The following ACSM2B variants were observed in gnomAD, a reference collection of about 807,000 sequenced individuals.
ACSM2B encodes acyl-CoA synthetase medium chain family member 2B, also known as acyl-coenzyme A synthetase ACSM2B, mitochondrial.
Under a neutral mutation model 78.6 loss-of-function variants are expected in ACSM2B, and 58 were observed. The ratio of observed to expected loss-of-function variants is 0.74; its 90% confidence interval spans 0.60 to 0.92. The LOEUF (loss-of-function observed/expected upper bound fraction) is 0.92. Ranked by LOEUF, ACSM2B falls within the 40% of genes least tolerant of loss-of-function variation. The pLI, the probability that ACSM2B is intolerant of heterozygous loss-of-function variation, is 0.00. For synonymous variants in ACSM2B, 257 were observed against 256.8 expected (o/e 1.00, Z -0.01); for missense variants, 688 against 711.2 (o/e 0.97, Z 0.37).
At chr16:20,561,104 A>G (rs1201642480) in intron 2 of ACSM2B, among the ~76,000 whole-genome samples, 3 of 152,130 alleles carry the variant, frequency 2.0e-5, no homozygotes, top group African/African-American at 7.2e-5. Context: ...TTTCAGCCTT[A>G]AAAAGGAAGG....
chr16:20,544,528 A>T, intron 10 of ACSM2B: 1 of 943,512 alleles, frequency 1.1e-6, no homozygotes, highest in Non-Finnish European at 1.3e-6. Flanking sequence ...AGAAACTATT[A>T]TTATTTGATT....
intron 13 of ACSM2B, 135 bp downstream of exon 13, chr16:20,540,519 A>T: frequency 6.9e-7 from 1 of 1,441,050 alleles, no homozygotes; most frequent in Middle Eastern, 2.6e-4. Flanking sequence ...CTGGGATTGC[A>T]GGTGTCAGCC....
chr16:20,553,651 T>A, intron 5 of ACSM2B, 126 bp downstream of exon 5: 1 of 1,440,158 alleles, frequency 6.9e-7, no homozygotes, highest in South Asian at 1.4e-5. Context: ...TCTTTAGCTT[T>A]CCTTCTGAAT....
In ACSM2B at chr16:20,566,622, ATACTATATATAGTATATATATAC is replaced by A. The variant is rs1293755502; in HGVS notation, c.-8-1792_-8-1770del. Among the ~76,000 whole-genome samples, 33 of 64,750 alleles carry A rather than the reference ATACTATATATAGTATATATATAC, an allele frequency of 5.1e-4. 1 individual carries two copies. The highest frequency in any genetic ancestry group is 2.7e-3 in the African/African-American group (32 of 11,708). The allele number at this position is 64,750 out of a possible 152,430, so 42.5% of individuals were successfully genotyped here. A position where few individuals can be genotyped will look rare whatever the true frequency, so the allele number is the denominator to read the frequency against. ...ATGTATATATCTACATATAGTATAT[ATACTATATATAGTATATATATAC>A]TATACTATATATATGTATATATAGT... On this transcript the variant is annotated intron_variant, in intron 1 of 13. Coordinates refer to ENST00000329697, the MANE Select transcript of ACSM2B (RefSeq NM_001105069.2).
chr16:20,548,358 G>A lies in ACSM2B; in HGVS notation c.974+36C>T, dbSNP rs1366421531. On this transcript the variant is annotated intron_variant, in intron 7 of 13. Transcript: ENST00000329697. Reference sequence around the variant, plus strand: ...TATGTGAGGGAGTCAGGGGGATGGGGCCAGACTCTCTTACCAATCCTCAAA... The same window carrying A: ...TATGTGAGGGAGTCAGGGGGATGGGACCAGACTCTCTTACCAATCCTCAAA... The A allele has an allele frequency of 3.1e-6, 5 of 1,611,974 alleles. No individual in the cohort carries two copies. In the South Asian group the frequency reaches 4.4e-5, roughly 14 times the overall value.
intron 1 of ACSM2B, among the ~76,000 whole-genome samples, chr16:20,566,608 TAC>T: frequency 1.3e-5 from 1 of 74,920 alleles, no homozygotes; most frequent in Non-Finnish European, 2.2e-5. Context: ...TGTATATATC[TAC>T]ATATAGTATA....
chr16:20,573,757 C>T (rs1015462750), intron 1 of ACSM2B, among the ~76,000 whole-genome samples: 2 of 151,382 alleles, frequency 1.3e-5, no homozygotes, highest in African/African-American at 4.8e-5. Context: ...GATGGTGACC[C>T]CGAGCAGCAA....
intron 9 of ACSM2B, 40 bp from the exon 10 acceptor site, chr16:20,545,298 A>T (rs760159832): frequency 6.8e-5 from 109 of 1,592,718 alleles, no homozygotes; most frequent in Non-Finnish European, 3.4e-6. Flanking sequence ...CGCACACAGC[A>T]GGAGATGGCT....
chr16:20,544,801 G>A (rs1163984862), intron 10 of ACSM2B: 5 of 997,968 alleles, frequency 5.0e-6, no homozygotes, highest in African/African-American at 3.5e-5. Context: ...AAGATCAACG[G>A]CATAGATCAT....
Position 20,570,918 on chromosome 16 carries a change from T to G in ACSM2B, c.-9+5289A>C, listed in dbSNP as rs541494392. Among the ~76,000 whole-genome samples the G allele has an allele frequency of 3.9e-5, 6 of 152,004 alleles. No individual in the cohort carries two copies. In the South Asian group the frequency reaches 1.2e-3, roughly 31 times the overall value. On this transcript the variant is annotated intron_variant, in intron 1 of 13. Transcript: ENST00000329697. ...TATTTCTGTGGTATCAGTTGTAATA[T>G]CTCCCATTTCCTTTCTAATTGAGCT... is the stretch of plus-strand genomic sequence containing the variant.
At chr16:20,544,011 C>A (rs911202047) in intron 10 of ACSM2B, among the ~76,000 whole-genome samples, 1 of 152,190 alleles carries the variant, frequency 6.6e-6, no homozygotes, top group Non-Finnish European at 1.5e-5. Context: ...TTCTTGGCTA[C>A]TGGATTGACT....
chr16:20,552,231 G>A lies in ACSM2B; in HGVS notation c.807C>T (p.Ile269=), dbSNP rs960057676. Reference sequence around the variant, plus strand: ...TCCAAGATTCCAAAAGTGAGCCCAAGATGTTCAGTATCCAACCTGTGTCTG... The same window carrying A: ...TCCAAGATTCCAAAAGTGAGCCCAAAATGTTCAGTATCCAACCTGTGTCTG... ...TISDTGWILN[I]LGSLLESWTL... is the part of the protein sequence containing the mutation. Residue 269 remains isoleucine (I), a synonymous_variant, in exon 6 of 14, where the codon ATC becomes ATT. Coordinates refer to ENST00000329697, the MANE Select transcript of ACSM2B (RefSeq NM_001105069.2). 1.9e-6 allele frequency: 3 copies of A among 1,613,924 alleles called. No homozygotes were observed. The highest frequency in any genetic ancestry group is 2.5e-6 in the Non-Finnish European group (3 of 1,179,850).
intron 1 of ACSM2B, among the ~76,000 whole-genome samples, chr16:20,566,682 G>GTATATATAGTATA (rs1235758959): frequency 7.5e-4 from 3 of 4,020 alleles, no homozygotes; most frequent in African/African-American, 1.8e-3. Flanking sequence ...TATACATATA[G>GTATATATAGTATA]TATATACTAT....
chr16:20,540,941 C>A, intron 12 of ACSM2B, 168 bp from the exon 13 acceptor site: 1 of 1,081,914 alleles, frequency 9.2e-7, no homozygotes. Flanking sequence ...AATGAGGTTC[C>A]AGCTCTCTCT....
At position 20,560,730 on chromosome 16, in the gene ACSM2B, T is replaced by C. The variant is rs77075778; in HGVS notation, c.178-1283A>G. Among the ~76,000 whole-genome samples, 6 of 151,988 alleles carry C rather than the reference T, an allele frequency of 3.9e-5. No homozygotes were observed. The East Asian group carries it at 1.2e-3, about 29-fold the overall frequency. ...CTGGAACTTGGTCATGGGAAGAAAT[T>C]GAAGAGTTTGGAAGGCTTAGAAGAG... On this transcript the variant is annotated intron_variant, in intron 2 of 13. Coordinates refer to ENST00000329697, the MANE Select transcript of ACSM2B (RefSeq NM_001105069.2).
At chr16:20,542,892 C>A (rs753554554) in intron 12 of ACSM2B, 22 bp downstream of exon 12, 1 of 1,613,066 alleles carries the variant, frequency 6.2e-7, no homozygotes, top group African/African-American at 1.3e-5. Flanking sequence ...TGTTCACCCC[C>A]AGGCTACTGC....
chr16:20,575,390 A>T (rs2016218348), intron 1 of ACSM2B: 1 of 151,726 alleles, frequency 6.6e-6, no homozygotes, highest in African/African-American at 2.4e-5. Flanking sequence ...ACAACTGTAT[A>T]TATATATACA....
At chr16:20,555,516 T>A in intron 3 of ACSM2B, 40 bp from the exon 4 acceptor site, 1 of 1,610,474 alleles carries the variant, frequency 6.2e-7, no homozygotes, top group Non-Finnish European at 8.5e-7. Flanking sequence ...AAAGGATGGT[T>A]TTCTTTGTCC....
In ACSM2B at chr16:20,564,724, G is replaced by A. The variant is rs367698409; in HGVS notation, c.122C>T (p.Pro41Leu). 82 of 1,613,250 alleles carry A rather than the reference G, an allele frequency of 5.1e-5. 1 individual carries two copies. Among genetic ancestry groups the A allele is most frequent in the African/African-American group, 3.9e-4 (29 of 74,824 alleles). The change falls in exon 2 of 14, where the codon CCG becomes CTG. Residue 41 changes from proline to leucine, a missense_variant. Coordinates refer to ENST00000329697, the MANE Select transcript of ACSM2B (RefSeq NM_001105069.2). ...VSLQWGHQEVPAKFNFASDVL... is the reference protein window; with the variant it reads ...VSLQWGHQEVLAKFNFASDVL... ...ATCACTAGCAAAGTTAAACTTGGCC[G>A]GCACTTCCTGGTGGCCCCACTGCAG... is the stretch of plus-strand genomic sequence containing the variant.
Sources: allele counts gnomAD v4.1 joint callset (sites outside exome capture counted in the v4.1 genomes callset), GRCh38; gene constraint gnomAD v4.1.1; transcripts MANE v1.5; gene names NCBI Gene and HGNC (gene_info 2026-07-23, HGNC 2026-07-21).